Variants in LRCH3 observed in about 807,000 individuals in gnomAD.
LRCH3 encodes the protein DISP complex protein LRCH3.
LRCH3 carries 68 observed loss-of-function variants against 104.5 expected under a neutral mutation model. That is an observed-to-expected ratio of 0.65 (90% CI 0.54 to 0.80). The LOEUF is 0.80. Ranked by LOEUF, LRCH3 falls within the 30% of genes least tolerant of loss-of-function variation. LRCH3 has a pLI of 0.00. For missense variants in LRCH3, 951 were observed against 953.9 expected, an observed-to-expected ratio of 1.00 and a Z score of 0.04; for synonymous variants, 344 against 361.3, an observed-to-expected ratio of 0.95 and a Z score of 0.54.
chr3:197,880,373 T>G (rs1713641078), intron 20 of LRCH3: 2 of 687,080 alleles, frequency 2.9e-6, no homozygotes, highest in Middle Eastern at 5.4e-4. Context: ...TTTATTTTTG[T>G]TCCTCAATGT....
Position 197,810,857 on chromosome 3 carries a change from A to G in LRCH3, c.263-4051A>G, listed in dbSNP as rs1387291584. On this transcript the variant is annotated intron_variant, in intron 1 of 20. Coordinates refer to ENST00000425562, the MANE Select transcript of LRCH3 (RefSeq NM_001365715.1). The surrounding 1 kb of genome is among the most constrained non-coding windows in gnomAD (Gnocchi z 4.0). ...AATAAAAGTTAACAGTTTTTAAAAG[A>G]TAACCTAAAGTCAGGTTAAAAAAAA... is the stretch of plus-strand genomic sequence containing the variant. Among the ~76,000 whole-genome samples the G allele has an allele frequency of 1.3e-5, 2 of 152,172 alleles. No homozygotes were observed. Among genetic ancestry groups the G allele is most frequent in the Admixed American group, 1.3e-4 (2 of 15,264 alleles).
chr3:197,835,643 G>A (rs773151018), intron 8 of LRCH3, 31 bp from the exon 9 acceptor site: 2 of 1,574,124 alleles, frequency 1.3e-6, no homozygotes, highest in African/African-American at 1.4e-5. Context: ...TGGTGTGTGT[G>A]TGTGTGTGGG....
At chr3:197,863,390 T>C (rs1391576912) in intron 15 of LRCH3, among the ~76,000 whole-genome samples, 1 of 152,148 alleles carries the variant, frequency 6.6e-6, no homozygotes, top group Non-Finnish European at 1.5e-5. Flanking sequence ...GCCTCCCAAG[T>C]AGCTGGGACT....
At chr3:197,821,882 C>G (rs1734532145) in intron 4 of LRCH3, among the ~76,000 whole-genome samples, 1 of 152,210 alleles carries the variant, frequency 6.6e-6, no homozygotes, top group Non-Finnish European at 1.5e-5. Flanking sequence ...CCCTGTTGCC[C>G]AGGCTGGTCT....
rs1489400442 is a variant in LRCH3, at chr3:197,885,822, GCGGAAGATATCT to G, written c.*2158_*2169del. ...TTTGTAAAACAAGTAAATAAAGTAA[GCGGAAGATATCT>G]CTTTTGTTTCTGTAGTTGTTAACTG... On this transcript the variant is annotated 3_prime_UTR_variant, in exon 21 of 21. Transcript: ENST00000425562. The G allele has an allele frequency of 6.6e-6, 1 of 152,188 alleles. No individual in the cohort carries two copies. The highest frequency in any genetic ancestry group is 1.9e-4 in the East Asian group (1 of 5,202). The allele number at this position is 152,188 out of a possible 1,614,324, so 9.4% of individuals were successfully genotyped here.
At chr3:197,859,001 T>C (rs570986101) in intron 15 of LRCH3, 96 bp downstream of exon 15, 46 of 871,506 alleles carry the variant, frequency 5.3e-5, no homozygotes, top group East Asian at 1.9e-4. Flanking sequence ...ATCTGAAATA[T>C]AGGATCGCAT....
intron 4 of LRCH3, among the ~76,000 whole-genome samples, chr3:197,825,589 C>G (rs1032235532): frequency 1.4e-5 from 2 of 146,500 alleles, no homozygotes; most frequent in Non-Finnish European, 3.0e-5. Context: ...ACGCCATTCT[C>G]CTGTCTCAGC....
At chr3:197,880,422 G>A in intron 20 of LRCH3, 1 of 980,672 alleles carries the variant, frequency 1.0e-6, no homozygotes, top group Non-Finnish European at 1.6e-6. Context: ...ATATGACTGA[G>A]ATGATCATAT....
chr3:197,799,037 A>G (rs1731584086), intron 1 of LRCH3, among the ~76,000 whole-genome samples: 1 of 152,148 alleles, frequency 6.6e-6, no homozygotes, highest in Admixed American at 6.6e-5. Flanking sequence ...CTTAGAAGGG[A>G]AGGGGAGGTA....
intron 1 of LRCH3, among the ~76,000 whole-genome samples, chr3:197,804,418 C>T (rs1038711066): frequency 6.6e-6 from 1 of 152,102 alleles, no homozygotes; most frequent in Non-Finnish European, 1.5e-5. Flanking sequence ...CTGTGCCTTG[C>T]CTCAGCTGCA....
Position 197,883,770 on chromosome 3 carries a change from G to A in LRCH3, c.*104G>A. 1 of 1,240,172 alleles carries A rather than the reference G, an allele frequency of 8.1e-7. No homozygotes were observed. The highest frequency in any genetic ancestry group is 1.1e-6 in the Non-Finnish European group (1 of 935,814). The allele number at this position is 1,240,172 out of a possible 1,614,324, so 76.8% of individuals were successfully genotyped here. On this transcript the variant is annotated 3_prime_UTR_variant, in exon 21 of 21. Transcript: ENST00000425562. The surrounding 1 kb of genome is among the most constrained non-coding windows in gnomAD (Gnocchi z 4.2). Reference sequence around the variant, plus strand: ...TAAACAAAGCTCTTGTGTGTTCTCAGAAGGGACCGTTCCCATGATTCCTAA... The same window carrying A: ...TAAACAAAGCTCTTGTGTGTTCTCAAAAGGGACCGTTCCCATGATTCCTAA...
Position 197,847,423 on chromosome 3 carries a change from C to T in LRCH3, c.1343C>T (p.Pro448Leu). Residue 448 changes from proline (P) to leucine (L), a missense_variant, in exon 11 of 21, where the codon CCA becomes CTA. Physicochemically the swap from Pro to Leu is moderately conservative, Grantham distance 98 (BLOSUM62 -3). Transcript: ENST00000425562. ...YLHQNRVPAE[P>L]SSLLSLSASH... ...TTTTGGGTCAGGGTTCCAGCTGAGC[C>T]ATCTTCCCTCCTGTCACTATCAGCA... The T allele has an allele frequency of 6.3e-7, 1 of 1,598,620 alleles. No individual in the cohort carries two copies. The highest frequency in any genetic ancestry group is 8.5e-7 in the Non-Finnish European group (1 of 1,174,232).
At chr3:197,832,415 C>T in intron 8 of LRCH3, 98 bp downstream of exon 8, 1 of 1,129,476 alleles carries the variant, frequency 8.9e-7, no homozygotes, top group East Asian at 2.6e-5. Flanking sequence ...GTATCTATAG[C>T]TTCTTCACTC....
At chr3:197,849,985 T>G (rs901750343) in intron 12 of LRCH3, among the ~76,000 whole-genome samples, 7 of 152,174 alleles carry the variant, frequency 4.6e-5, no homozygotes, top group Non-Finnish European at 1.0e-4. Context: ...AGAACAAGTA[T>G]CATCAGAATT....
chr3:197,816,629 G>T (rs1733835331), intron 2 of LRCH3, among the ~76,000 whole-genome samples: 1 of 152,056 alleles, frequency 6.6e-6, no homozygotes, highest in South Asian at 2.1e-4. Context: ...GCATGTTTTT[G>T]TATAAATAAA....
At position 197,791,290 on chromosome 3, in the gene LRCH3, G is replaced by C. The variant is rs778546789; in HGVS notation, c.12G>C (p.Ala4=). 4.1e-5 allele frequency: 66 copies of C among 1,608,344 alleles called. No individual in the cohort carries two copies. The Admixed American group carries it at 4.7e-4, about 11-fold the overall frequency. Residue 4 remains alanine, a synonymous_variant, in exon 1 of 21, where the codon GCG becomes GCC. Transcript: ENST00000425562. ...TTGTCGGCTGGGAAATGGCGGCCGC[G>C]GGCTTGGTCGCTGTGGCAGCGGCTG... MAA[A]GLVAVAAAAE... is the part of the protein sequence containing the mutation.
At chr3:197,848,930 C>T (rs777672798) in intron 12 of LRCH3, among the ~76,000 whole-genome samples, 5 of 152,164 alleles carry the variant, frequency 3.3e-5, no homozygotes, top group Admixed American at 6.5e-5. Context: ...GATTCCTCTT[C>T]ATCCAACAAG....
In LRCH3 at chr3:197,835,735, C is replaced by T. The variant is rs777464715; in HGVS notation, c.1164C>T (p.Ala388=). The part of the protein sequence containing the change: ...IDSCTAEEEE[A]EVRQPKGPDP... ...GCTGCACCGCAGAGGAAGAGGAGGC[C>T]GAGGTGAGACAGCCCAAGGGACCAG... Residue 388 remains alanine, a synonymous_variant, in exon 9 of 21, where the codon GCC becomes GCT. Transcript: ENST00000425562. 9.3e-6 allele frequency: 15 copies of T among 1,613,608 alleles called. No individual in the cohort carries two copies. Among genetic ancestry groups the T allele is most frequent in the Admixed American group, 8.3e-5 (5 of 59,926 alleles).
At position 197,839,403 on chromosome 3, in the gene LRCH3, A is replaced by G. The variant is rs765102481; in HGVS notation, c.1328+6A>G. 2.6e-6 allele frequency: 4 copies of G among 1,530,038 alleles called. No homozygotes were observed. The South Asian group carries it at 3.6e-5, about 14-fold the overall frequency. 94.8% of individuals were successfully genotyped at this position (1,530,038 alleles called of 1,614,324 possible). A position where few individuals can be genotyped will look rare whatever the true frequency, so the allele number is the denominator to read the frequency against. ...AGATATTTACATCAAAACAGGTTTG[A>G]AAAACCAATTCTACTTAATTTGTTT... On this transcript the variant is annotated splice_donor_region_variant and intron_variant, in intron 10 of 20. Transcript: ENST00000425562.
Sources: allele counts gnomAD v4.1 joint callset (sites outside exome capture counted in the v4.1 genomes callset), GRCh38; gene constraint gnomAD v4.1.1; non-coding constraint Gnocchi (gnomAD v3.1); transcripts MANE v1.5; gene names NCBI Gene and HGNC (gene_info 2026-07-23, HGNC 2026-07-21).